MAOA: variants seen among roughly 807,000 people sequenced by gnomAD.
The protein encoded by MAOA is amine oxidase [flavin-containing] A.
Under a neutral mutation model 42.0 loss-of-function variants are expected in MAOA, and 6 were observed. That is an observed-to-expected ratio of 0.14 (90% CI 0.08 to 0.28). The LOEUF (loss-of-function observed/expected upper bound fraction) is 0.28. MAOA is among the 10% of genes least tolerant of loss of function. The probability of loss-of-function intolerance (pLI) is 1.00; values close to 1 mark genes in which losing one functional copy is unlikely to be tolerated. For synonymous variants in MAOA, 140 were observed against 154.0 expected, an observed-to-expected ratio of 0.91 and a Z score of 0.67; for missense variants, 262 against 422.3, an observed-to-expected ratio of 0.62 and a Z score of 3.33.
intron 1 of MAOA, among the ~76,000 whole-genome samples, chrX:43,668,563 G>T (rs1404942240): frequency 5.4e-5 from 6 of 111,977 alleles, no homozygotes; most frequent in Non-Finnish European, 9.4e-5. Context: ...GTTAGAGAGA[G>T]ATTCTGCTTT....
At position 43,656,432 on chromosome X, in the gene MAOA, C is replaced by T; in HGVS notation, c.73+18C>T. 2.5e-6 allele frequency: 3 copies of T among 1,201,495 alleles called. No homozygotes were observed. Among genetic ancestry groups the T allele is most frequent in the Admixed American group, 2.2e-5 (1 of 46,077 alleles). On this transcript the variant is annotated intron_variant, in intron 1 of 14. Transcript: ENST00000338702. ...CATTTCAGGTCAGTGTGGACCGTAGCGGTGGCCTGGGGGACCCTGGCCAGT... is the reference window on the plus strand; with the variant it reads ...CATTTCAGGTCAGTGTGGACCGTAGTGGTGGCCTGGGGGACCCTGGCCAGT...
chrX:43,721,865 G>A (rs1001051590), intron 5 of MAOA, among the ~76,000 whole-genome samples: 6 of 110,112 alleles, frequency 5.4e-5, no homozygotes, highest in African/African-American at 2.0e-4. Flanking sequence ...ACAGGCCCTG[G>A]TGTGTGATGT....
intron 12 of MAOA, 107 bp downstream of exon 12, chrX:43,742,154 T>A: frequency 8.9e-7 from 1 of 1,129,238 alleles, no homozygotes; most frequent in Admixed American, 2.5e-5. Context: ...TCCCCATTTC[T>A]TATGTCCTAG....
chrX:43,738,775 C>T (rs776135883), intron 10 of MAOA, among the ~76,000 whole-genome samples: 3 of 111,926 alleles, frequency 2.7e-5, no homozygotes, highest in South Asian at 3.8e-4. Context: ...GAGCCATAAT[C>T]GTGCCACTGC....
intron 5 of MAOA, among the ~76,000 whole-genome samples, chrX:43,721,957 G>A (rs1169394733): frequency 1.8e-5 from 2 of 111,029 alleles, no homozygotes; most frequent in Non-Finnish European, 3.8e-5. Context: ...TTCTCTTATT[G>A]TGTTACTTTG....
chrX:43,743,983 A>G, intron 13 of MAOA, 78 bp downstream of exon 13: 3 of 1,176,732 alleles, frequency 2.5e-6, no homozygotes, highest in Non-Finnish European at 3.4e-6. Flanking sequence ...AGTTCTTGAC[A>G]CTGATAGAAT....
intron 1 of MAOA, among the ~76,000 whole-genome samples, chrX:43,679,019 A>T (rs2033422445): frequency 8.9e-6 from 1 of 111,906 alleles, no homozygotes; most frequent in African/African-American, 3.2e-5. Context: ...TTCCTAAATA[A>T]CTTAAACCTT....
chrX:43,722,573 A>G (rs1294946619), intron 5 of MAOA, among the ~76,000 whole-genome samples: 1 of 111,799 alleles, frequency 8.9e-6, no homozygotes, highest in Non-Finnish European at 1.9e-5. Flanking sequence ...TTCGTTGTAG[A>G]TTCTGGATAT....
chrX:43,687,745 G>A (rs1411367819), intron 2 of MAOA, among the ~76,000 whole-genome samples: 1 of 112,538 alleles, frequency 8.9e-6, no homozygotes, highest in Non-Finnish European at 1.9e-5. Context: ...CCTTAAGGCC[G>A]CTGTTCCAGC....
intron 10 of MAOA, among the ~76,000 whole-genome samples, chrX:43,737,775 C>T (rs1047548302): frequency 8.9e-6 from 1 of 112,030 alleles, no homozygotes; most frequent in Non-Finnish European, 1.9e-5. Context: ...ACATTCAAAT[C>T]ATCGCAGCTA....
At chrX:43,697,042 C>G (rs1360842099) in intron 3 of MAOA, among the ~76,000 whole-genome samples, 1 of 112,185 alleles carries the variant, frequency 8.9e-6, no homozygotes, top group Non-Finnish European at 1.9e-5. Flanking sequence ...GTTCCAGGCC[C>G]TGTGCCAGGG....
At chrX:43,726,611 G>A (rs751078181) in intron 5 of MAOA, among the ~76,000 whole-genome samples, 1 of 111,842 alleles carries the variant, frequency 8.9e-6, no homozygotes, top group East Asian at 2.8e-4. Flanking sequence ...CTTGCATTGG[G>A]TTAGAACCTG....
chrX:43,671,354 A>C (rs867150681), intron 1 of MAOA, among the ~76,000 whole-genome samples: 1,257 of 89,574 alleles, frequency 0.014, 22 homozygotes, highest in African/African-American at 0.047. Flanking sequence ...CCTTTGTCAG[A>C]TGAGTAGGTT....
upstream of MAOA, chrX:43,655,697 C>G (rs1213606213): frequency 8.7e-6 from 1 of 114,368 alleles, no homozygotes; most frequent in African/African-American, 3.3e-5. Context: ...CGACCCTGCC[C>G]CCGGATTCCA....
chrX:43,687,903 C>G (rs1419048552), intron 2 of MAOA, among the ~76,000 whole-genome samples: 1 of 113,030 alleles, frequency 8.8e-6, no homozygotes, highest in Non-Finnish European at 1.9e-5. Flanking sequence ...CCACTGCTAT[C>G]CCCTGGTGGG....
chrX:43,659,089 C>G (rs141924041), intron 1 of MAOA, among the ~76,000 whole-genome samples: 1,139 of 110,944 alleles, frequency 0.01, 17 homozygotes, highest in African/African-American at 0.035. Flanking sequence ...TATATAGCAC[C>G]CAGAAGAGTA....
intron 5 of MAOA, among the ~76,000 whole-genome samples, chrX:43,719,088 T>A (rs1279963108): frequency 9.1e-6 from 1 of 110,115 alleles, no homozygotes; most frequent in Non-Finnish European, 1.9e-5. Context: ...TCTTCCTGGA[T>A]GACCCAAAGG....
At chrX:43,657,692 C>T (rs913314441) in intron 1 of MAOA, among the ~76,000 whole-genome samples, 5 of 112,010 alleles carry the variant, frequency 4.5e-5, no homozygotes, top group African/African-American at 1.6e-4. Context: ...TCTGAGTTAT[C>T]CCTGCAGGAT....
At chrX:43,682,899 A>G (rs997713032) in intron 1 of MAOA, among the ~76,000 whole-genome samples, 17 of 111,830 alleles carry the variant, frequency 1.5e-4, no homozygotes, top group African/African-American at 5.2e-4. Context: ...TATTTTATCT[A>G]TCCTGAAGGC....
Sources: allele counts gnomAD v4.1 joint callset (sites outside exome capture counted in the v4.1 genomes callset), GRCh38; gene constraint gnomAD v4.1.1; transcripts MANE v1.5; gene names NCBI Gene and HGNC (gene_info 2026-07-23, HGNC 2026-07-21).